Variants in ARHGEF3 observed in about 807,000 individuals in gnomAD.
ARHGEF3 encodes 59.8 kDA protein.
A neutral mutation model predicts 63.2 loss-of-function variants in ARHGEF3; 28 were observed. The observed-to-expected ratio is 0.44, with a 90% CI of 0.33 to 0.61. The LOEUF is 0.61. ARHGEF3 is among the 20% of genes least tolerant of loss of function. ARHGEF3 has a pLI of 0.03. For missense variants in ARHGEF3, 533 were observed against 659.3 expected, an observed-to-expected ratio of 0.81 and a Z score of 2.10; for synonymous variants, 266 against 254.2, an observed-to-expected ratio of 1.05 and a Z score of -0.44.
rs76503524 is a variant in ARHGEF3 at position 56,846,763 on chromosome 3, C to G, written c.192+35529G>C. Among the ~76,000 whole-genome samples the G allele has an allele frequency of 2.3e-3, 355 of 152,252 alleles. 12 individuals are homozygous for G. In the South Asian group the frequency reaches 0.026, roughly 11 times the overall value. Reference sequence around the variant, plus strand: ...ATGGACCAAATTTGTCTCTAGTGATCCCAGGGTCTTGTGTCCTCTTCCTTT... The same window carrying G: ...ATGGACCAAATTTGTCTCTAGTGATGCCAGGGTCTTGTGTCCTCTTCCTTT... On this transcript the variant is annotated intron_variant, in intron 4 of 12. Coordinates refer to the ARHGEF3 transcript ENST00000338458.
chr3:56,775,095 G>A (rs1413369368), intron 1 of ARHGEF3: 1 of 1,551,126 alleles, frequency 6.4e-7, no homozygotes, highest in South Asian at 1.2e-5. Flanking sequence ...AGCCAATTGT[G>A]GTGGCAAACC....
At chr3:56,752,074 ATTTT>A (rs1194848843) in intron 4 of ARHGEF3, among the ~76,000 whole-genome samples, 2 of 126,482 alleles carry the variant, frequency 1.6e-5, no homozygotes, top group Non-Finnish European at 3.1e-5. Flanking sequence ...TTTAAAAAAT[ATTTT>A]TTTCTTTTTT....
intron 3 of ARHGEF3, among the ~76,000 whole-genome samples, chr3:56,913,752 A>T (rs1251420787): frequency 2.0e-5 from 3 of 152,260 alleles, no homozygotes; most frequent in Admixed American, 6.5e-5. Context: ...AATTAAAAGT[A>T]GATCTACCAT....
chr3:56,775,909 A>G (rs2036261768), intron 1 of ARHGEF3, among the ~76,000 whole-genome samples: 1 of 152,182 alleles, frequency 6.6e-6, no homozygotes, highest in Non-Finnish European at 1.5e-5. Flanking sequence ...GCATTACAGC[A>G]AGTGAGGTGA....
At chr3:57,018,678 T>C (rs1386899654) in intron 2 of ARHGEF3, among the ~76,000 whole-genome samples, 1 of 152,236 alleles carries the variant, frequency 6.6e-6, no homozygotes, top group Non-Finnish European at 1.5e-5. Context: ...TTTACGTTTA[T>C]GTCGTGTCTC....
chr3:56,868,614 C>T (rs184965713), intron 4 of ARHGEF3, among the ~76,000 whole-genome samples: 43 of 152,290 alleles, frequency 2.8e-4, no homozygotes, highest in Non-Finnish European at 2.6e-4. Flanking sequence ...CTGCCTGCCT[C>T]AGCCTCCAAA....
At chr3:56,986,774 G>C (rs1237570813) in intron 2 of ARHGEF3, among the ~76,000 whole-genome samples, 1 of 151,424 alleles carries the variant, frequency 6.6e-6, no homozygotes. Context: ...GGAAAGAAGT[G>C]GGGGCAGAAA....
chr3:56,922,860 G>A (rs910330228), intron 3 of ARHGEF3, among the ~76,000 whole-genome samples: 1 of 151,816 alleles, frequency 6.6e-6, no homozygotes, highest in African/African-American at 2.4e-5. Context: ...GTTGCAGGGA[G>A]GATGGTAGGA....
chr3:56,896,828 C>A (rs970148998), intron 3 of ARHGEF3, among the ~76,000 whole-genome samples: 2 of 152,176 alleles, frequency 1.3e-5, no homozygotes, highest in African/African-American at 4.8e-5. Context: ...AATGTAGAGT[C>A]TTTCTTAGCA....
intron 2 of ARHGEF3, among the ~76,000 whole-genome samples, chr3:56,994,064 C>CAAAAAAAAAAAAAAAAAA (rs60299557): frequency 0.027 from 1,600 of 59,558 alleles, 376 homozygotes; most frequent in Non-Finnish European, 0.035. Flanking sequence ...AACTTCGTCT[C>CAAAAAAAAAAAAAAAAAA]AAAAAAAAAA....
At chr3:56,887,764 A>G (rs983817702) in intron 3 of ARHGEF3, among the ~76,000 whole-genome samples, 7 of 152,238 alleles carry the variant, frequency 4.6e-5, no homozygotes, top group African/African-American at 1.4e-4. Flanking sequence ...CCTTTCAACC[A>G]TGAAAACAAA....
intron 1 of ARHGEF3, among the ~76,000 whole-genome samples, chr3:57,059,844 A>G (rs1335753094): frequency 6.6e-6 from 1 of 151,986 alleles, no homozygotes. Context: ...TAAAAATACA[A>G]AAGTAGCCAG....
chr3:56,824,557 C>G (rs1344883741), intron 4 of ARHGEF3, among the ~76,000 whole-genome samples: 1 of 152,194 alleles, frequency 6.6e-6, no homozygotes, highest in Admixed American at 6.5e-5. Flanking sequence ...GATTATGATT[C>G]AAACCCAAAT....
intron 1 of ARHGEF3, among the ~76,000 whole-genome samples, chr3:56,782,317 AC>A (rs1559935230): frequency 6.6e-6 from 1 of 152,106 alleles, no homozygotes; most frequent in Non-Finnish European, 1.5e-5. Flanking sequence ...TTGGTTTTTA[AC>A]CCCCAAGGTG....
In ARHGEF3 at chr3:56,728,532, C is replaced by T. The variant is rs1470988745; in HGVS notation, c.*738G>A. 2.0e-5 allele frequency: 3 copies of T among 152,644 alleles called. No individual in the cohort carries two copies. Among genetic ancestry groups the T allele is most frequent in the Non-Finnish European group, 4.4e-5 (3 of 68,058 alleles). 9.5% of individuals were successfully genotyped at this position (152,644 alleles called of 1,614,324 possible). ...CTATTCTGATGTTTTAGGCTAGCAA[C>T]CAACTATGAGAGACACCTCCTGGTG... On this transcript the variant is annotated 3_prime_UTR_variant, in exon 10 of 10. Coordinates refer to ENST00000296315, the MANE Select transcript of ARHGEF3 (RefSeq NM_019555.3).
intron 3 of ARHGEF3, among the ~76,000 whole-genome samples, chr3:56,947,434 T>C (rs1699568316): frequency 1.3e-5 from 2 of 152,182 alleles, no homozygotes; most frequent in Middle Eastern, 3.4e-3. Context: ...TGGAGGAAGA[T>C]CTACCAAGCA....
intron 3 of ARHGEF3, among the ~76,000 whole-genome samples, chr3:56,893,911 G>A (rs1032890731): frequency 5.5e-5 from 8 of 145,966 alleles, no homozygotes; most frequent in African/African-American, 1.3e-4. Flanking sequence ...GCTGTACAAA[G>A]AAGTTATTAC....
rs536897891 is a variant in ARHGEF3, at chr3:57,003,827, G to C, written c.62+31261C>G. Among the ~76,000 whole-genome samples, 5 of 152,312 alleles carry C rather than the reference G, an allele frequency of 3.3e-5. No homozygotes were observed. The East Asian group carries it at 9.7e-4, about 29-fold the overall frequency. ...CAAGGAATGCAGGCTGCCTCTAGAAGCTGGAAAAGCCAGGAAACCGATCCT... is the reference window on the plus strand; with the variant it reads ...CAAGGAATGCAGGCTGCCTCTAGAACCTGGAAAAGCCAGGAAACCGATCCT... On this transcript the variant is annotated intron_variant, in intron 2 of 12. Transcript: ENST00000338458.
intron 3 of ARHGEF3, among the ~76,000 whole-genome samples, chr3:56,935,090 G>A (rs1289947801): frequency 6.6e-6 from 1 of 151,960 alleles, no homozygotes; most frequent in African/African-American, 2.4e-5. Context: ...TCTAGCTCAG[G>A]GATTGTAAAT....
Sources: allele counts gnomAD v4.1 joint callset (sites outside exome capture counted in the v4.1 genomes callset), GRCh38; gene constraint gnomAD v4.1.1; transcripts MANE v1.5; gene names NCBI Gene and HGNC (gene_info 2026-07-23, HGNC 2026-07-21).